The following PDE1C variants were observed in gnomAD, a reference collection of about 807,000 sequenced individuals.
The protein encoded by PDE1C is dual specificity calcium/calmodulin-dependent 3',5'-cyclic nucleotide phosphodiesterase 1C.
PDE1C carries 62 observed loss-of-function variants against 93.1 expected under a neutral mutation model. The observed-to-expected ratio is 0.67, with a 90% CI of 0.54 to 0.82. The LOEUF (loss-of-function observed/expected upper bound fraction) is 0.82, where lower values mean the gene tolerates loss of function less well. PDE1C is among the 40% of genes least tolerant of loss of function. The pLI is 0.00. For synonymous variants in PDE1C, 325 were observed against 310.1 expected (o/e 1.05, Z -0.50); for missense variants, 742 against 884.6 (o/e 0.84, Z 2.04).
At chr7:32,035,916 A>T (rs1228628931) in intron 2 of PDE1C, among the ~76,000 whole-genome samples, 1 of 152,198 alleles carries the variant, frequency 6.6e-6, no homozygotes, top group African/African-American at 2.4e-5. Flanking sequence ...GTGAAAACTG[A>T]CTTGAAGGGA....
chr7:32,382,844 G>T (rs149160025), intron 1 of PDE1C, among the ~76,000 whole-genome samples: 1 of 152,166 alleles, frequency 6.6e-6, no homozygotes. Flanking sequence ...CACCCGTGTC[G>T]TCTCCCCTAC....
intron 1 of PDE1C, among the ~76,000 whole-genome samples, chr7:32,219,971 T>G (rs1021822644): frequency 6.6e-6 from 1 of 152,196 alleles, no homozygotes; most frequent in African/African-American, 2.4e-5. Flanking sequence ...CGAGATCTGA[T>G]GATTTTACAA....
chr7:31,998,017 T>TTTA (rs1784952843), intron 2 of PDE1C, among the ~76,000 whole-genome samples: 1 of 149,226 alleles, frequency 6.7e-6, no homozygotes, highest in Non-Finnish European at 1.5e-5. Flanking sequence ...TATTTTTATT[T>TTTA]ATTTATTTAT....
chr7:32,111,432 A>G (rs574602427), intron 3 of PDE1C, among the ~76,000 whole-genome samples: 1 of 152,316 alleles, frequency 6.6e-6, no homozygotes, highest in East Asian at 1.9e-4. Flanking sequence ...GAAACTTGTC[A>G]GAATCCTTCC....
At chr7:32,304,392 T>C (rs1812947842) in intron 1 of PDE1C, among the ~76,000 whole-genome samples, 1 of 152,112 alleles carries the variant, frequency 6.6e-6, no homozygotes, top group Admixed American at 6.5e-5. Context: ...TAAACAAAGA[T>C]GTATAATGCA....
intron 6 of PDE1C, among the ~76,000 whole-genome samples, chr7:31,868,480 C>T (rs1255477576): frequency 6.6e-6 from 1 of 151,952 alleles, no homozygotes; most frequent in African/African-American, 2.4e-5. Context: ...GAAGACAGGT[C>T]TTCACAAAAA....
At chr7:32,212,896 T>C (rs1044511594) in intron 1 of PDE1C, among the ~76,000 whole-genome samples, 33 of 152,224 alleles carry the variant, frequency 2.2e-4, no homozygotes, top group African/African-American at 7.0e-4. Context: ...ATACAGTTTC[T>C]AATTTGATGC....
the PDE1C span, among the ~76,000 whole-genome samples, chr7:31,669,689 G>A: frequency 6.6e-6 from 1 of 152,170 alleles, no homozygotes; most frequent in Non-Finnish European, 1.5e-5. Flanking sequence ...GGGGTTATTT[G>A]CTTTGTGCAA....
intron 3 of PDE1C, among the ~76,000 whole-genome samples, chr7:32,095,855 G>T (rs536033223): frequency 7.9e-5 from 12 of 152,182 alleles, no homozygotes; most frequent in Admixed American, 7.8e-4. Flanking sequence ...ATAGGCAGTC[G>T]ACTTACAGAA....
Position 32,408,378 on chromosome 7 carries a change from G to C in PDE1C, c.310+19444C>G, listed in dbSNP as rs541209232. Reference sequence around the variant, plus strand: ...CAGAGGGAAGAGATAAATAACAGCAGAATCTAGAAATCAGGAACTTGGGAT... The same window carrying C: ...CAGAGGGAAGAGATAAATAACAGCACAATCTAGAAATCAGGAACTTGGGAT... On this transcript the variant is annotated intron_variant, in intron 1 of 1. Coordinates refer to the PDE1C transcript ENST00000672256. 3.0e-3 allele frequency among the ~76,000 whole-genome samples: 453 copies of C among 152,296 alleles called. 1 individual carries two copies. Among genetic ancestry groups the C allele is most frequent in the African/African-American group, 0.01 (428 of 41,568 alleles).
At chr7:32,093,556 G>A (rs951203456) in intron 3 of PDE1C, among the ~76,000 whole-genome samples, 7 of 152,282 alleles carry the variant, frequency 4.6e-5, no homozygotes, top group Middle Eastern at 3.4e-3. Context: ...TTACTTCTCC[G>A]GAGCCTGGGT....
In PDE1C at chr7:32,395,409, T is replaced by A. The variant is rs376420272; in HGVS notation, c.310+32413A>T. On this transcript the variant is annotated intron_variant, in intron 1 of 1. Coordinates refer to the PDE1C transcript ENST00000672256. ...GGGCAAGAAACTACAGATAGAGGCA[T>A]CAGCAGAGGCACAAAGGCATAAAAA... is the stretch of plus-strand genomic sequence containing the variant. Among the ~76,000 whole-genome samples the A allele has an allele frequency of 2.3e-4, 35 of 152,090 alleles. 1 individual carries two copies. The highest frequency in any genetic ancestry group is 8.0e-4 in the African/African-American group (33 of 41,492).
intron 2 of PDE1C, among the ~76,000 whole-genome samples, chr7:31,922,563 A>G (rs1802762470): frequency 6.6e-6 from 1 of 152,184 alleles, no homozygotes; most frequent in African/African-American, 2.4e-5. Context: ...TCTATGCACA[A>G]GCCATCATTA....
intron 16 of PDE1C, among the ~76,000 whole-genome samples, chr7:31,801,416 TC>T (rs1381825205): frequency 1.3e-5 from 2 of 151,442 alleles, no homozygotes; most frequent in Non-Finnish European, 3.0e-5. Context: ...ACTAATTTAT[TC>T]TCCCAGAATA....
intron 2 of PDE1C, among the ~76,000 whole-genome samples, chr7:31,930,877 G>A (rs1273305851): frequency 3.3e-3 from 221 of 66,014 alleles, no homozygotes; most frequent in Non-Finnish European, 4.2e-3. Flanking sequence ...AAAAAAAAAA[G>A]CTTATCCACC....
rs559468475 is a variant in PDE1C at position 31,889,289 on chromosome 7, A to T, written c.129-8429T>A. 6.6e-5 allele frequency among the ~76,000 whole-genome samples: 10 copies of T among 152,204 alleles called. 1 individual carries two copies. The highest frequency in any genetic ancestry group is 6.8e-3 in the Middle Eastern group (2 of 294). On this transcript the variant is annotated intron_variant, in intron 2 of 17. Transcript: ENST00000396191. ...GTCCCTCTACCACTTCACTATTCCAACTCTCTTCCTTTCAACATCCAGCTG... is the reference window on the plus strand; with the variant it reads ...GTCCCTCTACCACTTCACTATTCCATCTCTCTTCCTTTCAACATCCAGCTG...
At chr7:31,679,707 T>A in the PDE1C span, among the ~76,000 whole-genome samples, 3 of 152,220 alleles carry the variant, frequency 2.0e-5, no homozygotes, top group Non-Finnish European at 4.4e-5. Flanking sequence ...GAAGCCCCCA[T>A]AAACGGTGCG....
chr7:32,070,283 G>A lies in PDE1C; in HGVS notation c.101+10C>T. On this transcript the variant is annotated intron_variant, in intron 1 of 17. Coordinates refer to ENST00000396191, the MANE Select transcript of PDE1C (RefSeq NM_001191057.4). ...GAAATGGGGCAGGAGAAGTAAATAG[G>A]TATACTTACAGCCCGCGGAGCCGAA... 6.2e-7 allele frequency: 1 copy of A among 1,614,110 alleles called. No individual in the cohort carries two copies. Among genetic ancestry groups the A allele is most frequent in the African/African-American group, 1.3e-5 (1 of 75,052 alleles).
intron 2 of PDE1C, among the ~76,000 whole-genome samples, chr7:32,185,780 A>G (rs1046620195): frequency 1.3e-5 from 2 of 152,192 alleles, no homozygotes; most frequent in Non-Finnish European, 2.9e-5. Flanking sequence ...GAATAACTAA[A>G]ATTTAATAAA....
Sources: allele counts gnomAD v4.1 joint callset (sites outside exome capture counted in the v4.1 genomes callset), GRCh38; gene constraint gnomAD v4.1.1; transcripts MANE v1.5; gene names NCBI Gene and HGNC (gene_info 2026-07-23, HGNC 2026-07-21).